TOP1: variants seen among roughly 807,000 people sequenced by gnomAD.
TOP1 encodes DNA topoisomerase I, also known as DNA topoisomerase 1.
In TOP1, 10 loss-of-function variants were observed where a neutral mutation model predicts 111.1. The observed-to-expected ratio is 0.09, with a 90% confidence interval of 0.06 to 0.15. TOP1 has a LOEUF of 0.15. TOP1 is among the 10% of genes least tolerant of loss of function. The probability of loss-of-function intolerance (pLI) is 1.00; values close to 1 mark genes in which losing one functional copy is unlikely to be tolerated. For synonymous variants in TOP1, 271 were observed against 302.9 expected, an observed-to-expected ratio of 0.89 and a Z score of 1.10; for missense variants, 474 against 926.7, an observed-to-expected ratio of 0.51 and a Z score of 6.34.
At chr20:41,033,887 CTG>C (rs953380912) in intron 2 of TOP1, among the ~76,000 whole-genome samples, 8 of 151,962 alleles carry the variant, frequency 5.3e-5, no homozygotes, top group African/African-American at 1.9e-4. Context: ...CTCCAGTAAA[CTG>C]TGTTTGCTTG....
Position 41,123,126 on chromosome 20 carries a change from C to A in TOP1, c.2196-69C>A. 1.0e-6 allele frequency: 1 copy of A among 1,004,958 alleles called. No homozygotes were observed. Among genetic ancestry groups the A allele is most frequent in the Non-Finnish European group, 1.6e-6 (1 of 636,874 alleles). The allele number at this position is 1,004,958 out of a possible 1,614,324, so 62.3% of individuals were successfully genotyped here. Reference sequence around the variant, plus strand: ...GTGAAAGAGAAGATGGAACATCTGACCCTGGGCCTCAGATATGGGCCATTG... The same window carrying A: ...GTGAAAGAGAAGATGGAACATCTGAACCTGGGCCTCAGATATGGGCCATTG... On this transcript the variant is annotated intron_variant, in intron 20 of 20. Transcript: ENST00000361337. This position sits in a 1 kb window ranked among gnomAD's most constrained non-coding sequence, Gnocchi z 5.8.
intron 3 of TOP1, chr20:41,073,056 T>G (rs1240491464): frequency 1.0e-6 from 1 of 985,176 alleles, no homozygotes; most frequent in African/African-American, 1.7e-5. Context: ...GCAGAGGAAA[T>G]ATCGTTGACT....
At chr20:41,093,826 A>G (rs1600585201) in intron 9 of TOP1, among the ~76,000 whole-genome samples, 1 of 152,214 alleles carries the variant, frequency 6.6e-6, no homozygotes, top group Non-Finnish European at 1.5e-5. Context: ...AGTAGTTTAC[A>G]CTAAAGGGCT....
chr20:41,076,854 A>G (rs934387966), intron 4 of TOP1, among the ~76,000 whole-genome samples: 2 of 152,222 alleles, frequency 1.3e-5, no homozygotes, highest in African/African-American at 4.8e-5. Flanking sequence ...CCCCTGACTC[A>G]CTGTCTCCCA....
chr20:41,061,330 C>T lies in TOP1; in HGVS notation c.59-64C>T. On this transcript the variant is annotated intron_variant, in intron 2 of 20. Transcript: ENST00000361337. This position sits in a 1 kb window ranked among gnomAD's most constrained non-coding sequence, Gnocchi z 4.6. ...TCATTGTACTTCTTGACCAGCTTGT[C>T]AAGGTAGGCATACAGAAGATAGCTC... The T allele has an allele frequency of 6.7e-7, 1 of 1,482,272 alleles. No individual in the cohort carries two copies. The highest frequency in any genetic ancestry group is 9.3e-7 in the Non-Finnish European group (1 of 1,071,212). 91.8% of individuals were successfully genotyped at this position (1,482,272 alleles called of 1,614,324 possible).
chr20:41,097,441 G>T lies in TOP1; in HGVS notation c.852+100G>T. ...CAAAACATTTCCTGATGTAAAATTTGAGTTGTATGGATTTTGTTGTATTTA... is the reference window on the plus strand; with the variant it reads ...CAAAACATTTCCTGATGTAAAATTTTAGTTGTATGGATTTTGTTGTATTTA... On this transcript the variant is annotated intron_variant, in intron 10 of 20. Coordinates refer to ENST00000361337, the MANE Select transcript of TOP1 (RefSeq NM_003286.4). The surrounding 1 kb of genome is among the most constrained non-coding windows in gnomAD (Gnocchi z 4.2). The T allele has an allele frequency of 8.1e-7, 1 of 1,230,462 alleles. No individual in the cohort carries two copies. Among genetic ancestry groups the T allele is most frequent in the Admixed American group, 2.5e-5 (1 of 40,186 alleles). 76.2% of individuals were successfully genotyped at this position (1,230,462 alleles called of 1,614,324 possible).
chr20:41,065,728 A>G (rs2033599021), intron 3 of TOP1, among the ~76,000 whole-genome samples: 1 of 152,218 alleles, frequency 6.6e-6, no homozygotes, highest in African/African-American at 2.4e-5. Context: ...ATTGTAGCGT[A>G]TCAGAAATTC....
At chr20:41,042,478 T>C (rs1279348046) in intron 2 of TOP1, among the ~76,000 whole-genome samples, 1 of 152,232 alleles carries the variant, frequency 6.6e-6, no homozygotes, top group East Asian at 1.9e-4. Context: ...TTTGTTTTCA[T>C]ACTAATACTA....
At position 41,038,542 on chromosome 20, in the gene TOP1, T is replaced by C. The variant is rs552324792; in HGVS notation, c.58+9087T>C. ...AAGCTGGAGGGGTCACTAGGGAGCATTGAGTATGATACTATTGCTGTAAAT... is the reference window on the plus strand; with the variant it reads ...AAGCTGGAGGGGTCACTAGGGAGCACTGAGTATGATACTATTGCTGTAAAT... On this transcript the variant is annotated intron_variant, in intron 2 of 20. Transcript: ENST00000361337. Among the ~76,000 whole-genome samples, 7 of 152,256 alleles carry C rather than the reference T, an allele frequency of 4.6e-5. No individual in the cohort carries two copies. The East Asian group carries it at 1.3e-3, about 29-fold the overall frequency.
Position 41,114,119 on chromosome 20 carries a change from C to T in TOP1, c.1602C>T (p.Ser534=). 6.2e-7 allele frequency: 1 copy of T among 1,613,950 alleles called. No homozygotes were observed. The highest frequency in any genetic ancestry group is 2.2e-5 in the East Asian group (1 of 44,894). ...VVEFDFLGKD[S]IRYYNKVPVE... Reference sequence around the variant, plus strand: ...AGTTTGACTTCCTCGGGAAGGACTCCATCAGATACTATAACAAGGTCCCTG... The same window carrying T: ...AGTTTGACTTCCTCGGGAAGGACTCTATCAGATACTATAACAAGGTCCCTG... The change falls in exon 15 of 21, where the codon TCC becomes TCT. Residue 534 remains serine (S), a synonymous_variant. Transcript: ENST00000361337. The surrounding 1 kb of genome is among the most constrained non-coding windows in gnomAD (Gnocchi z 4.5).
Position 41,116,130 on chromosome 20 carries a change from G to T in TOP1, c.1708-148G>T, listed in dbSNP as rs2034326031. The T allele has an allele frequency of 1.7e-6, 1 of 596,626 alleles. No individual in the cohort carries two copies. The highest frequency in any genetic ancestry group is 1.9e-5 in the African/African-American group (1 of 53,868). The allele number at this position is 596,626 out of a possible 1,614,324, so 37.0% of individuals were successfully genotyped here. A position where few individuals can be genotyped will look rare whatever the true frequency, so the allele number is the denominator to read the frequency against. Reference sequence around the variant, plus strand: ...AGGCATCATGTAACCCTGTATTCTGGAATTCTTTTCCTCTTTCCCTAACTT... The same window carrying T: ...AGGCATCATGTAACCCTGTATTCTGTAATTCTTTTCCTCTTTCCCTAACTT... On this transcript the variant is annotated intron_variant, in intron 16 of 20. Transcript: ENST00000361337. This position sits in a 1 kb window ranked among gnomAD's most constrained non-coding sequence, Gnocchi z 5.6.
At position 41,078,515 on chromosome 20, in the gene TOP1, A is replaced by G. The variant is rs531417989; in HGVS notation, c.335+878A>G. Among the ~76,000 whole-genome samples, 1 of 152,204 alleles carries G rather than the reference A, an allele frequency of 6.6e-6. No homozygotes were observed. The highest frequency in any genetic ancestry group is 1.5e-5 in the Non-Finnish European group (1 of 68,050). On this transcript the variant is annotated intron_variant, in intron 5 of 20. Coordinates refer to ENST00000361337, the MANE Select transcript of TOP1 (RefSeq NM_003286.4). The surrounding 1 kb of genome is among the most constrained non-coding windows in gnomAD (Gnocchi z 5.3). Reference sequence around the variant, plus strand: ...ACTCTGGGGTCCTTTAGACAAGGAGAAAAGCAGGTGCCCTCTTCAGGCATG... The same window carrying G: ...ACTCTGGGGTCCTTTAGACAAGGAGGAAAGCAGGTGCCCTCTTCAGGCATG...
Position 41,112,712 on chromosome 20 carries a change from G to C in TOP1, c.1309-70G>C. ...ATTATAGGCTTGCGCCACCTTGCCT[G>C]GCTATATTCAAAGTCTGTCTTTACT... On this transcript the variant is annotated intron_variant, in intron 13 of 20. Transcript: ENST00000361337. This position sits in a 1 kb window ranked among gnomAD's most constrained non-coding sequence, Gnocchi z 5.8. 6.5e-7 allele frequency: 1 copy of C among 1,545,302 alleles called. No homozygotes were observed. The highest frequency in any genetic ancestry group is 8.8e-7 in the Non-Finnish European group (1 of 1,131,624).
At position 41,079,156 on chromosome 20, in the gene TOP1, G is replaced by A. The variant is rs531159852; in HGVS notation, c.336-929G>A. ...ACCCAGTATGCTTTTTTTGGTCGGA[G>A]GTACTCTTGAAACCCTGTGAATATA... On this transcript the variant is annotated intron_variant, in intron 5 of 20. Coordinates refer to ENST00000361337, the MANE Select transcript of TOP1 (RefSeq NM_003286.4). This position sits in a 1 kb window ranked among gnomAD's most constrained non-coding sequence, Gnocchi z 4.0. Among the ~76,000 whole-genome samples, 6 of 152,198 alleles carry A rather than the reference G, an allele frequency of 3.9e-5. No individual in the cohort carries two copies. Among genetic ancestry groups the A allele is most frequent in the Admixed American group, 1.3e-4 (2 of 15,294 alleles).
rs182511102 is a variant in TOP1 at position 41,068,168 on chromosome 20, A to G, written c.155+6678A>G. 2.6e-5 allele frequency among the ~76,000 whole-genome samples: 4 copies of G among 152,352 alleles called. No homozygotes were observed. The East Asian group carries it at 7.7e-4, about 29-fold the overall frequency. ...TAGGCAGCTCAGGTTTAAAAATGTC[A>G]GATCACCTCAGGCACTGCCTTTATC... On this transcript the variant is annotated intron_variant, in intron 3 of 20. Coordinates refer to ENST00000361337, the MANE Select transcript of TOP1 (RefSeq NM_003286.4).
chr20:41,117,916 T>G (rs913815542), intron 17 of TOP1, among the ~76,000 whole-genome samples: 1 of 151,842 alleles, frequency 6.6e-6, no homozygotes, highest in African/African-American at 2.4e-5. Flanking sequence ...TTTATTATAT[T>G]ACCTAGACTC....
At position 41,114,237 on chromosome 20, in the gene TOP1, A is replaced by G; in HGVS notation, c.1638+82A>G. On this transcript the variant is annotated intron_variant, in intron 15 of 20. Coordinates refer to ENST00000361337, the MANE Select transcript of TOP1 (RefSeq NM_003286.4). This position sits in a 1 kb window ranked among gnomAD's most constrained non-coding sequence, Gnocchi z 4.5. Reference sequence around the variant, plus strand: ...TTGACTGCTTTTTTGTGTGCTTTGCACTTTGCTGGGCACCAGCAAAAGTGA... The same window carrying G: ...TTGACTGCTTTTTTGTGTGCTTTGCGCTTTGCTGGGCACCAGCAAAAGTGA... 1 of 1,305,492 alleles carries G rather than the reference A, an allele frequency of 7.7e-7. No homozygotes were observed. Among genetic ancestry groups the G allele is most frequent in the Non-Finnish European group, 1.1e-6 (1 of 929,664 alleles). 80.9% of individuals were successfully genotyped at this position (1,305,492 alleles called of 1,614,324 possible).
chr20:41,065,885 C>G (rs1334669554), intron 3 of TOP1, among the ~76,000 whole-genome samples: 1 of 151,786 alleles, frequency 6.6e-6, no homozygotes, highest in African/African-American at 2.4e-5. Context: ...GGGTGTATAC[C>G]TAGGAGTAGA....
intron 13 of TOP1, among the ~76,000 whole-genome samples, chr20:41,108,684 C>T (rs574579338): frequency 2.0e-4 from 31 of 152,306 alleles, no homozygotes; most frequent in Non-Finnish European, 3.8e-4. Context: ...CTTTCTCTCC[C>T]ACTCTGTGCC....
Sources: allele counts gnomAD v4.1 joint callset (sites outside exome capture counted in the v4.1 genomes callset), GRCh38; gene constraint gnomAD v4.1.1; non-coding constraint Gnocchi (gnomAD v3.1); transcripts MANE v1.5; gene names NCBI Gene and HGNC (gene_info 2026-07-23, HGNC 2026-07-21).